AGO2: variants seen among roughly 807,000 people sequenced by gnomAD.
AGO2 encodes protein argonaute-2.
AGO2 carries 5 observed loss-of-function variants against 102.3 expected under a neutral mutation model. The ratio of observed to expected loss-of-function variants is 0.05; its 90% CI spans 0.03 to 0.10. The LOEUF (loss-of-function observed/expected upper bound fraction) is 0.10, where lower values mean the gene tolerates loss of function less well. Among genes scored for constraint, AGO2 ranks in the 10% least tolerant of loss-of-function variants. AGO2 has a pLI of 1.00. For synonymous variants in AGO2, 449 were observed against 473.1 expected, an observed-to-expected ratio of 0.95 and a Z score of 0.66; for missense variants, 541 against 1,183.7, an observed-to-expected ratio of 0.46 and a Z score of 7.97.
chr8:140,533,059 T>C (rs1167733012), intron 17 of AGO2, among the ~76,000 whole-genome samples: 1 of 148,600 alleles, frequency 6.7e-6, no homozygotes, highest in East Asian at 2.0e-4. Flanking sequence ...TTTGTAAAAC[T>C]GTATACATTT....
chr8:140,544,180 A>G (rs2132886893), intron 14 of AGO2, 33 bp downstream of exon 14: 1 of 1,553,076 alleles, frequency 6.4e-7, no homozygotes, highest in Non-Finnish European at 8.6e-7. Context: ...CATGTTGTCA[A>G]TGGAAGACCC....
chr8:140,612,039 C>T (rs1037937364), intron 1 of AGO2, among the ~76,000 whole-genome samples: 18 of 151,400 alleles, frequency 1.2e-4, no homozygotes, highest in Non-Finnish European at 1.8e-4. Context: ...CTGGCTAACA[C>T]GGTGAAACCC....
In AGO2 at chr8:140,526,945, C is replaced by T. The variant is rs6578112; in HGVS notation, c.*5099G>A. On this transcript the variant is annotated 3_prime_UTR_variant, in exon 19 of 19. Coordinates refer to ENST00000220592, the MANE Select transcript of AGO2 (RefSeq NM_012154.5). This position sits in a 1 kb window ranked among gnomAD's most constrained non-coding sequence, Gnocchi z 5.2. Reference sequence around the variant, plus strand: ...ACGGGCACAAATGACAGCTTTGACACGACAGTAACCTCATGGCTTTAAGAT... The same window carrying T: ...ACGGGCACAAATGACAGCTTTGACATGACAGTAACCTCATGGCTTTAAGAT... 4,853 of 152,302 alleles carry T rather than the reference C, an allele frequency of 0.032. 106 individuals are homozygous for T. The highest frequency in any genetic ancestry group is 0.051 in the Non-Finnish European group (3,490 of 68,032). 9.4% of individuals were successfully genotyped at this position (152,302 alleles called of 1,614,324 possible). A position where few individuals can be genotyped will look rare whatever the true frequency, so the allele number is the denominator to read the frequency against.
At chr8:140,582,675 T>C (rs1453250889) in intron 2 of AGO2, among the ~76,000 whole-genome samples, 2 of 152,216 alleles carry the variant, frequency 1.3e-5, no homozygotes, top group South Asian at 2.1e-4. Context: ...AAGCAAAAAC[T>C]ATAATTCTAA....
Position 140,549,193 on chromosome 8 carries a change from G to A in AGO2, c.1509C>T (p.Pro503=). 6.2e-7 allele frequency: 1 copy of A among 1,613,748 alleles called. No homozygotes were observed. The highest frequency in any genetic ancestry group is 8.5e-7 in the Non-Finnish European group (1 of 1,179,940). ...KYAQGADSVE[P]MFRHLKNTYA... is the part of the protein sequence containing the mutation. ...ACGTGTTCTTCAGGTGCCGGAACAT[G>A]GGCTCCACGCTGTCCGCCCCCTGCG... The change falls in exon 12 of 19, where the codon CCC becomes CCT. Residue 503 remains proline, a synonymous_variant. Coordinates refer to ENST00000220592, the MANE Select transcript of AGO2 (RefSeq NM_012154.5).
In AGO2 at chr8:140,549,200, A is replaced by G. The variant is rs1256947908; in HGVS notation, c.1502T>C (p.Val501Ala). Residue 501 changes from valine to alanine, a missense_variant, in exon 12 of 19, where the codon GTG becomes GCG. Physicochemically the swap from Val to Ala is moderately conservative, Grantham distance 64 (BLOSUM62 0). This residue lies in a region of AGO2 where 309 missense variants were observed against 735.1 expected (regional missense o/e 0.42). Transcript: ENST00000220592. ...CTTCAGGTGCCGGAACATGGGCTCC[A>G]CGCTGTCCGCCCCCTGCGCGTATTT... is the stretch of plus-strand genomic sequence containing the variant. ...FCKYAQGADS[V>A]EPMFRHLKNT... is the part of the protein sequence containing the mutation. 1 of 1,613,798 alleles carries G rather than the reference A, an allele frequency of 6.2e-7. No individual in the cohort carries two copies. Among genetic ancestry groups the G allele is most frequent in the Non-Finnish European group, 8.5e-7 (1 of 1,179,968 alleles).
At chr8:140,555,589 C>T (rs2073079876) in intron 10 of AGO2, 2 of 288,072 alleles carry the variant, frequency 6.9e-6, no homozygotes, top group African/African-American at 2.2e-5. Context: ...GCAGTACAGC[C>T]TTCTGGGAAA....
At position 140,528,851 on chromosome 8, in the gene AGO2, C is replaced by T. The variant is rs1379847766; in HGVS notation, c.*3193G>A. 1 of 152,166 alleles carries T rather than the reference C, an allele frequency of 6.6e-6. No individual in the cohort carries two copies. Among genetic ancestry groups the T allele is most frequent in the Non-Finnish European group, 1.5e-5 (1 of 68,032 alleles). The allele number at this position is 152,166 out of a possible 1,614,324, so 9.4% of individuals were successfully genotyped here. On this transcript the variant is annotated 3_prime_UTR_variant, in exon 19 of 19. Coordinates refer to ENST00000220592, the MANE Select transcript of AGO2 (RefSeq NM_012154.5). The surrounding 1 kb of genome is among the most constrained non-coding windows in gnomAD (Gnocchi z 4.5). Reference sequence around the variant, plus strand: ...TCACCGAAGGGCTCACACACGAGGGCAGCTTTCCACCGCTCCCCTGGTGTT... The same window carrying T: ...TCACCGAAGGGCTCACACACGAGGGTAGCTTTCCACCGCTCCCCTGGTGTT...
Position 140,522,156 on chromosome 8 carries a change from A to G in AGO2, c.*9888T>C, listed in dbSNP as rs752958818. 8 of 152,188 alleles carry G rather than the reference A, an allele frequency of 5.3e-5. No individual in the cohort carries two copies. Among genetic ancestry groups the G allele is most frequent in the African/African-American group, 1.2e-4 (5 of 41,438 alleles). The allele number at this position is 152,188 out of a possible 1,614,324, so 9.4% of individuals were successfully genotyped here. A position where few individuals can be genotyped will look rare whatever the true frequency, so the allele number is the denominator to read the frequency against. The stretch of plus-strand genomic sequence containing the variant: ...TACTGTTTCATACTGAATTTTTTCA[A>G]TGCATTGGGGTTCAACATAAAAGGC... On this transcript the variant is annotated 3_prime_UTR_variant, in exon 19 of 19. Coordinates refer to ENST00000220592, the MANE Select transcript of AGO2 (RefSeq NM_012154.5).
intron 16 of AGO2, among the ~76,000 whole-genome samples, chr8:140,536,004 G>A (rs867012729): frequency 6.6e-5 from 10 of 152,220 alleles, no homozygotes; most frequent in Non-Finnish European, 1.2e-4. Context: ...AGGCAGAGGC[G>A]CTGGGAGGCT....
Position 140,549,184 on chromosome 8 carries a change from C to T in AGO2, c.1518G>A (p.Arg506=). 2 of 1,613,620 alleles carry T rather than the reference C, an allele frequency of 1.2e-6. No individual in the cohort carries two copies. Among genetic ancestry groups the T allele is most frequent in the Middle Eastern group, 1.7e-4 (1 of 6,050 alleles). Residue 506 remains arginine (R), a synonymous_variant, in exon 12 of 19, where the codon CGG becomes CGA. Coordinates refer to ENST00000220592, the MANE Select transcript of AGO2 (RefSeq NM_012154.5). ...GGCCCGCATACGTGTTCTTCAGGTG[C>T]CGGAACATGGGCTCCACGCTGTCCG... The part of the protein sequence containing the change: ...QGADSVEPMF[R]HLKNTYAGLQ...
chr8:140,563,208 C>A (rs2073230622), intron 3 of AGO2, among the ~76,000 whole-genome samples: 1 of 152,188 alleles, frequency 6.6e-6, no homozygotes. Context: ...TCCTCACATG[C>A]CCAGTGACCC....
Position 140,556,033 on chromosome 8 carries a change from C to G in AGO2, c.1147-15G>C. The G allele has an allele frequency of 1.2e-6, 2 of 1,613,920 alleles. No homozygotes were observed. Among genetic ancestry groups the G allele is most frequent in the Non-Finnish European group, 1.7e-6 (2 of 1,179,856 alleles). On this transcript the variant is annotated splice_polypyrimidine_tract_variant and intron_variant, in intron 9 of 18. Transcript: ENST00000220592. ...GCACTTCGCATCTGGCAAAGGGAAA[C>G]AAGAAAACGCACGGAGTGGGTGGAG... is the stretch of plus-strand genomic sequence containing the variant.
Position 140,585,188 on chromosome 8 carries a change from A to G in AGO2, c.146T>C (p.Ile49Thr). Reference sequence around the variant, plus strand: ...ATAATGATAGATGTCAATTTTGGGGATGTCCATTTCGAAGAAATTGGCCTG... The same window carrying G: ...ATAATGATAGATGTCAATTTTGGGGGTGTCCATTTCGAAGAAATTGGCCTG... Reference protein sequence around the residue: ...KLQANFFEMDIPKIDIYHYEL... With the variant: ...KLQANFFEMDTPKIDIYHYEL... The change falls in exon 2 of 19, where the codon ATC (isoleucine) becomes ACC (threonine). Residue 49 changes from isoleucine to threonine, a missense_variant. Transcript: ENST00000220592. The G allele has an allele frequency of 6.2e-7, 1 of 1,614,118 alleles. No individual in the cohort carries two copies. Among genetic ancestry groups the G allele is most frequent in the Non-Finnish European group, 8.5e-7 (1 of 1,180,018 alleles).
intron 12 of AGO2, among the ~76,000 whole-genome samples, chr8:140,548,086 C>T (rs1389907716): frequency 6.6e-6 from 1 of 152,182 alleles, no homozygotes; most frequent in Non-Finnish European, 1.5e-5. Context: ...GAGGCCATGG[C>T]GGGCGGATCA....
In AGO2 at chr8:140,529,487, T is replaced by C. The variant is rs574704948; in HGVS notation, c.*2557A>G. 2 of 152,224 alleles carry C rather than the reference T, an allele frequency of 1.3e-5. No homozygotes were observed. The highest frequency in any genetic ancestry group is 2.9e-5 in the Non-Finnish European group (2 of 68,042). The allele number at this position is 152,224 out of a possible 1,614,324, so 9.4% of individuals were successfully genotyped here. Reference sequence around the variant, plus strand: ...GCTGGAGATGTTTGGTCTATTAATGTTTTTAGTATTAAAAGTTTTATAAAA... The same window carrying C: ...GCTGGAGATGTTTGGTCTATTAATGCTTTTAGTATTAAAAGTTTTATAAAA... On this transcript the variant is annotated 3_prime_UTR_variant, in exon 19 of 19. Transcript: ENST00000220592.
At chr8:140,624,886 A>T (rs1264386795) in intron 1 of AGO2, among the ~76,000 whole-genome samples, 1 of 152,170 alleles carries the variant, frequency 6.6e-6, no homozygotes, top group Admixed American at 6.5e-5. Context: ...TCAACCACAG[A>T]CAGACCATGC....
At position 140,556,158 on chromosome 8, in the gene AGO2, G is replaced by C. The variant is rs772012625; in HGVS notation, c.1146+9C>G. The C allele has an allele frequency of 1.9e-6, 3 of 1,614,184 alleles. No homozygotes were observed. The highest frequency in any genetic ancestry group is 1.1e-5 in the South Asian group (1 of 91,078). On this transcript the variant is annotated intron_variant, in intron 9 of 18. Transcript: ENST00000220592. Reference sequence around the variant, plus strand: ...CCACAGGGCAGCCCTGCCCGGGACTGACACTCACCAATTTGCTAATCTCTT... The same window carrying C: ...CCACAGGGCAGCCCTGCCCGGGACTCACACTCACCAATTTGCTAATCTCTT...
At chr8:140,583,749 C>A (rs1267473553) in intron 2 of AGO2, among the ~76,000 whole-genome samples, 4 of 152,138 alleles carry the variant, frequency 2.6e-5, no homozygotes, top group Admixed American at 1.3e-4. Context: ...GTGGCAGGTG[C>A]CTGTAATCCC....
Sources: allele counts gnomAD v4.1 joint callset (sites outside exome capture counted in the v4.1 genomes callset), GRCh38; gene constraint gnomAD v4.1.1; regional missense constraint gnomAD v4.1.1; non-coding constraint Gnocchi (gnomAD v3.1); transcripts MANE v1.5; gene names NCBI Gene and HGNC (gene_info 2026-07-23, HGNC 2026-07-21).